PCDHGB3: variants seen among roughly 807,000 people sequenced by gnomAD.
The protein encoded by PCDHGB3 is protocadherin gamma subfamily B, 3.
In PCDHGB3, 40 loss-of-function variants were observed where a neutral mutation model predicts 59.2. The ratio of observed to expected loss-of-function variants is 0.68; its 90% CI spans 0.52 to 0.88. The LOEUF is 0.88. Ranked by LOEUF, PCDHGB3 falls within the 40% of genes least tolerant of loss-of-function variation. The pLI is 0.00. For synonymous variants in PCDHGB3, 581 were observed against 503.6 expected (o/e 1.15, Z -2.06); for missense variants, 1,309 against 1,187.9 (o/e 1.10, Z -1.50).
Position 141,400,401 on chromosome 5 carries a change from G to A in PCDHGB3, c.2415+27592G>A, listed in dbSNP as rs760681088. 4 of 1,613,936 alleles carry A rather than the reference G, an allele frequency of 2.5e-6. No homozygotes were observed. The South Asian group carries it at 4.4e-5, about 18-fold the overall frequency. ...TATGTGTTGCACATACAGGAAAGAC[G>A]GAGTTTAATTTCCTAAAATGTAGTG... On this transcript the variant is annotated intron_variant, in intron 1 of 3. Transcript: ENST00000576222.
At chr5:141,453,871 A>T (rs561367146) in intron 1 of PCDHGB3, among the ~76,000 whole-genome samples, 8 of 152,364 alleles carry the variant, frequency 5.3e-5, no homozygotes, top group African/African-American at 1.9e-4. Flanking sequence ...ACAGATGAGC[A>T]AAATAATGTG....
chr5:141,383,036 G>T, intron 1 of PCDHGB3: 1 of 1,613,876 alleles, frequency 6.2e-7, no homozygotes, highest in Non-Finnish European at 8.5e-7. Flanking sequence ...TCCTTTGTGG[G>T]AGACATCGCC....
intron 1 of PCDHGB3, chr5:141,421,347 C>G: frequency 6.2e-7 from 1 of 1,613,948 alleles, no homozygotes; most frequent in Non-Finnish European, 8.5e-7. Flanking sequence ...CAGAAGAGAC[C>G]GAAAAGGGCT....
chr5:141,379,967 T>C (rs1362425240), intron 1 of PCDHGB3, among the ~76,000 whole-genome samples: 1 of 142,578 alleles, frequency 7.0e-6, no homozygotes, highest in Non-Finnish European at 1.5e-5. Context: ...TGGTGTGATC[T>C]CTGCTCACTG....
intron 1 of PCDHGB3, chr5:141,399,563 T>G: frequency 6.2e-7 from 1 of 1,614,054 alleles, no homozygotes; most frequent in Non-Finnish European, 8.5e-7. Flanking sequence ...GACTTGGGGT[T>G]GAACGGCCAA....
Position 141,444,149 on chromosome 5 carries a change from T to C in PCDHGB3, c.2416-50658T>C, listed in dbSNP as rs180678850. On this transcript the variant is annotated intron_variant, in intron 1 of 3. Transcript: ENST00000576222. ...ACAGATATGTGTCACTTGTGTGTAC[T>C]GGATTTTTTTTTTTTTTTTTTTTTT... Among the ~76,000 whole-genome samples, 383 of 136,820 alleles carry C rather than the reference T, an allele frequency of 2.8e-3. 2 individuals carry two copies. Among genetic ancestry groups the C allele is most frequent in the Middle Eastern group, 0.012 (3 of 252 alleles). 89.8% of individuals were successfully genotyped at this position (136,820 alleles called of 152,430 possible). A position where few individuals can be genotyped will look rare whatever the true frequency, so the allele number is the denominator to read the frequency against.
chr5:141,450,310 G>A (rs1364358879), intron 1 of PCDHGB3, among the ~76,000 whole-genome samples: 1 of 151,966 alleles, frequency 6.6e-6, no homozygotes, highest in Non-Finnish European at 1.5e-5. Context: ...ACCATGTGTG[G>A]CCTAGTTGCC....
rs781580216 is a variant in PCDHGB3 at position 141,430,931 on chromosome 5, G to A, written c.2415+58122G>A. The stretch of plus-strand genomic sequence containing the variant: ...CAGGGACCTGGGGCTGGAGCCCCGG[G>A]AGCTCGCGGAGCGCGGAGTCCGCAT... On this transcript the variant is annotated intron_variant, in intron 1 of 3. Coordinates refer to ENST00000576222, the MANE Select transcript of PCDHGB3 (RefSeq NM_018924.5). The A allele has an allele frequency of 1.5e-5, 24 of 1,607,530 alleles. No individual in the cohort carries two copies. In the East Asian group the frequency reaches 4.9e-4, roughly 33 times the overall value.
intron 1 of PCDHGB3, among the ~76,000 whole-genome samples, chr5:141,463,024 A>G (rs2099051235): frequency 6.6e-6 from 1 of 152,070 alleles, no homozygotes; most frequent in South Asian, 2.1e-4. Context: ...GACTTTTTTG[A>G]TTAATCTGAG....
Position 141,393,255 on chromosome 5 carries a change from C to G in PCDHGB3, c.2415+20446C>G, listed in dbSNP as rs201229959. 2.3e-4 allele frequency: 367 copies of G among 1,613,786 alleles called. No individual in the cohort carries two copies. Among genetic ancestry groups the G allele is most frequent in the Non-Finnish European group, 2.9e-4 (338 of 1,179,916 alleles). On this transcript the variant is annotated intron_variant, in intron 1 of 3. Coordinates refer to ENST00000576222, the MANE Select transcript of PCDHGB3 (RefSeq NM_018924.5). ...AGTAAAAATTAACGAAATCGCGGTT[C>G]CTGGAGCACGTTATCCACTCCCAGA...
chr5:141,403,220 A>G (rs1340190547), intron 1 of PCDHGB3: 1 of 1,613,824 alleles, frequency 6.2e-7, no homozygotes, highest in Non-Finnish European at 8.5e-7. Context: ...CGCGGGTAGG[A>G]TAGACCGGGA....
At chr5:141,446,502 A>G (rs1178198384) in intron 1 of PCDHGB3, among the ~76,000 whole-genome samples, 5 of 150,732 alleles carry the variant, frequency 3.3e-5, no homozygotes, top group Non-Finnish European at 7.4e-5. Context: ...TTTGAGATGG[A>G]GTCTCGCTCT....
intron 1 of PCDHGB3, chr5:141,388,880 G>T: frequency 1.2e-6 from 2 of 1,613,982 alleles, no homozygotes; most frequent in Non-Finnish European, 1.7e-6. Flanking sequence ...GCACAGTGGA[G>T]GTAGAAGTCA....
rs2096271749 is a variant in PCDHGB3, at chr5:141,418,581, T to G, written c.2415+45772T>G. On this transcript the variant is annotated intron_variant, in intron 1 of 3. Coordinates refer to ENST00000576222, the MANE Select transcript of PCDHGB3 (RefSeq NM_018924.5). The stretch of plus-strand genomic sequence containing the variant: ...ATAGATGCCAATGACAACCCCCCAG[T>G]GTTCAGCCAGGACGTGTACAGGGTT... The G allele has an allele frequency of 2.5e-6, 4 of 1,613,854 alleles. No homozygotes were observed. The South Asian group carries it at 4.4e-5, about 18-fold the overall frequency.
At position 141,402,884 on chromosome 5, in the gene PCDHGB3, T is replaced by C. The variant is rs73792196; in HGVS notation, c.2415+30075T>C. Reference sequence around the variant, plus strand: ...GAAAAGATCACCATACTTTGCAGGGTGGAAGAAAGAACCTGATGAAGCAGC... The same window carrying C: ...GAAAAGATCACCATACTTTGCAGGGCGGAAGAAAGAACCTGATGAAGCAGC... On this transcript the variant is annotated intron_variant, in intron 1 of 3. Transcript: ENST00000576222. The C allele has an allele frequency of 1.4e-3, 2,074 of 1,481,580 alleles. 26 individuals carry two copies. The African/African-American group carries it at 0.026, about 18-fold the overall frequency. The allele number at this position is 1,481,580 out of a possible 1,614,324, so 91.8% of individuals were successfully genotyped here.
chr5:141,492,546 G>A (rs2154587552), intron 1 of PCDHGB3, among the ~76,000 whole-genome samples: 1 of 152,336 alleles, frequency 6.6e-6, no homozygotes, highest in East Asian at 1.9e-4. Flanking sequence ...GCTGGGCCGG[G>A]TCGCCTGGGG....
chr5:141,419,192 G>A (rs772847766), intron 1 of PCDHGB3: 65 of 1,613,816 alleles, frequency 4.0e-5, no homozygotes, highest in Middle Eastern at 1.6e-4. Context: ...CATTACTGAC[G>A]TCAATGACAA....
chr5:141,415,740 G>GTTTTTTTTTTTTTTTTTTTTTTT (rs57426385), intron 1 of PCDHGB3: 14 of 625,046 alleles, frequency 2.2e-5, no homozygotes, highest in East Asian at 1.4e-4. Flanking sequence ...GTTTATTAAG[G>GTTTTTTTTTTTTTTTTTTTTTTT]TTTTTTTTTT....
rs1330659052 is a variant in PCDHGB3, at chr5:141,490,012, G to T, written c.2416-4795G>T. On this transcript the variant is annotated intron_variant, in intron 1 of 3. Transcript: ENST00000576222. The surrounding 1 kb of genome is among the most constrained non-coding windows in gnomAD (Gnocchi z 5.4). ...GGGAATCCCAGAGAATGCACCCATT[G>T]GTACTCTGCTGCTCCGCCTCAATGC... The T allele has an allele frequency of 1.2e-6, 2 of 1,614,232 alleles. No homozygotes were observed. Among genetic ancestry groups the T allele is most frequent in the East Asian group, 4.5e-5 (2 of 44,888 alleles).
Sources: allele counts gnomAD v4.1 joint callset (sites outside exome capture counted in the v4.1 genomes callset), GRCh38; gene constraint gnomAD v4.1.1; non-coding constraint Gnocchi (gnomAD v3.1); transcripts MANE v1.5; gene names NCBI Gene and HGNC (gene_info 2026-07-23, HGNC 2026-07-21).